The following ZNF565 variants were observed in gnomAD, a reference collection of about 807,000 sequenced individuals.
The protein encoded by ZNF565 is zinc finger protein 565.
Under a neutral mutation model 39.4 loss-of-function variants are expected in ZNF565, and 27 were observed. That is an observed-to-expected ratio of 0.69 (90% CI 0.51 to 0.95). ZNF565 has a LOEUF of 0.95. Among genes scored for constraint, ZNF565 ranks in the 40% least tolerant of loss-of-function variants. The pLI is 0.00. For synonymous variants in ZNF565, 185 were observed against 216.6 expected, an observed-to-expected ratio of 0.85 and a Z score of 1.28; for missense variants, 524 against 621.1, an observed-to-expected ratio of 0.84 and a Z score of 1.66.
intron 1 of ZNF565, among the ~76,000 whole-genome samples, chr19:36,222,678 T>C (rs1393010517): frequency 6.6e-6 from 1 of 152,068 alleles, no homozygotes; most frequent in Non-Finnish European, 1.5e-5. Flanking sequence ...CTAGGAACTG[T>C]CTATTCATAT....
intron 1 of ZNF565, among the ~76,000 whole-genome samples, chr19:36,206,995 C>G (rs1427137572): frequency 6.6e-6 from 1 of 152,066 alleles, no homozygotes; most frequent in African/African-American, 2.4e-5. Context: ...ATGCAGGTAT[C>G]TGGGGAAGTG....
upstream of ZNF565, chr19:36,218,287 A>G (rs1296533647): frequency 1.3e-5 from 2 of 151,896 alleles, no homozygotes; most frequent in African/African-American, 4.8e-5. Flanking sequence ...GTAGCTCCAG[A>G]AGTTAATACA....
At chr19:36,197,330 G>A (rs755315631) in intron 2 of ZNF565, among the ~76,000 whole-genome samples, 2 of 150,786 alleles carry the variant, frequency 1.3e-5, no homozygotes, top group Admixed American at 6.6e-5. Context: ...AAATTAGCTG[G>A]GCATGATGGT....
chr19:36,198,577 A>G (rs1003403201), intron 2 of ZNF565, among the ~76,000 whole-genome samples: 30 of 152,016 alleles, frequency 2.0e-4, no homozygotes, highest in South Asian at 6.2e-4. Flanking sequence ...CAACAGGGTG[A>G]CTATAGTCAA....
intron 1 of ZNF565, among the ~76,000 whole-genome samples, chr19:36,206,322 T>C (rs570403255): frequency 6.6e-6 from 1 of 151,982 alleles, no homozygotes; most frequent in South Asian, 2.1e-4. Flanking sequence ...ATAGATGGGA[T>C]TGAGGGCTGG....
At chr19:36,232,297 TCTACTTATGTAG>T (rs1022332746) in intron 1 of ZNF565, among the ~76,000 whole-genome samples, 15 of 152,184 alleles carry the variant, frequency 9.9e-5, no homozygotes, top group Admixed American at 1.3e-4. Context: ...TATGAAATAT[TCTACTTATGTAG>T]GTACTACTTA....
At chr19:36,229,277 GC>G (rs752270324) in intron 1 of ZNF565, among the ~76,000 whole-genome samples, 1 of 152,074 alleles carries the variant, frequency 6.6e-6, no homozygotes, top group Non-Finnish European at 1.5e-5. Flanking sequence ...ACTCATCTCT[GC>G]CATCGTAGAT....
Position 36,245,364 on chromosome 19 carries a change from C to G in ZNF565, c.55+112G>C, listed in dbSNP as rs1187293757. The G allele has an allele frequency of 1.5e-6, 1 of 682,860 alleles. No individual in the cohort carries two copies. The highest frequency in any genetic ancestry group is 2.7e-6 in the Non-Finnish European group (1 of 375,096). 42.3% of individuals were successfully genotyped at this position (682,860 alleles called of 1,614,324 possible). On this transcript the variant is annotated intron_variant, in intron 1 of 4. Coordinates refer to the ZNF565 transcript ENST00000355114. This position sits in a 1 kb window ranked among gnomAD's most constrained non-coding sequence, Gnocchi z 4.4. The stretch of plus-strand genomic sequence containing the variant: ...CCGGACATTCTAGGGTCTGATCTGG[C>G]GGGCTCGAAGGGAGGACAGTCACTG...
At chr19:36,236,413 T>A in intron 1 of ZNF565, 2 of 1,563,218 alleles carry the variant, frequency 1.3e-6, no homozygotes, top group Non-Finnish European at 1.7e-6. Context: ...GAGAGAAACC[T>A]TGTGAATGTG....
intron 3 of ZNF565, 87 bp from the exon 4 acceptor site, chr19:36,194,415 A>G (rs1277854014): frequency 4.0e-5 from 40 of 999,432 alleles, no homozygotes; most frequent in Non-Finnish European, 5.3e-5. Context: ...AGACGCAATT[A>G]CAAGGTAGGT....
chr19:36,191,467 G>C (rs1313017619), intron 4 of ZNF565, among the ~76,000 whole-genome samples: 1 of 151,800 alleles, frequency 6.6e-6, no homozygotes, highest in East Asian at 1.9e-4. Flanking sequence ...CTGATTTCAG[G>C]GCTGAGGCAG....
chr19:36,183,648 T>C lies in ZNF565; in HGVS notation c.318A>G (p.Lys106=). 1 of 1,614,166 alleles carries C rather than the reference T, an allele frequency of 6.2e-7. No individual in the cohort carries two copies. Among genetic ancestry groups the C allele is most frequent in the Non-Finnish European group, 8.5e-7 (1 of 1,180,034 alleles). The change falls in exon 5 of 5, where the codon AAA becomes AAG. Residue 106 remains lysine (K), a synonymous_variant. Coordinates refer to ENST00000304116, the MANE Select transcript of ZNF565 (RefSeq NM_152477.5). ...AATCGGAGCCCTCCAGGTCACTGCA[T>C]TTAAGGCTTTCCATTATCTCCCAGT... is the stretch of plus-strand genomic sequence containing the variant. ...AFNWEIMESL[K]CSDLEGSDFR...
At chr19:36,189,784 C>T (rs1172508798) in intron 4 of ZNF565, among the ~76,000 whole-genome samples, 2 of 152,078 alleles carry the variant, frequency 1.3e-5, no homozygotes, top group Non-Finnish European at 2.9e-5. Context: ...TATTTTAATA[C>T]GGAATTACAG....
chr19:36,217,223 G>C (rs1421347136), upstream of ZNF565, among the ~76,000 whole-genome samples: 1 of 151,090 alleles, frequency 6.6e-6, no homozygotes, highest in African/African-American at 2.4e-5. Context: ...ACCACACCCG[G>C]CTACTTTTTT....
intron 2 of ZNF565, 145 bp downstream of exon 2, chr19:36,201,832 C>A (rs542311132): frequency 1.1e-6 from 1 of 892,286 alleles, no homozygotes; most frequent in Admixed American, 2.1e-5. Context: ...AGAGGGCCAC[C>A]GAGGGACTTG....
At chr19:36,217,714 G>A (rs931734551), upstream of ZNF565, among the ~76,000 whole-genome samples, 2 of 151,628 alleles carry the variant, frequency 1.3e-5, no homozygotes, top group African/African-American at 2.4e-5. Context: ...GAGAAACCCC[G>A]TCTCTACTAA....
At position 36,220,951 on chromosome 19, in the gene ZNF565, C is replaced by G. The variant is rs145366802; in HGVS notation, c.56-18901G>C. 7.9e-5 allele frequency among the ~76,000 whole-genome samples: 12 copies of G among 151,504 alleles called. No homozygotes were observed. The East Asian group carries it at 2.3e-3, about 29-fold the overall frequency. ...ACTTGCAACATCTGCCTCCCCAGTT[C>G]CAGCGATTCTCCTGCCTCAGCCTCC... On this transcript the variant is annotated intron_variant, in intron 1 of 4. Transcript: ENST00000355114.
intron 2 of ZNF565, among the ~76,000 whole-genome samples, chr19:36,197,749 T>G (rs1486110991): frequency 6.6e-6 from 1 of 152,058 alleles, no homozygotes; most frequent in Non-Finnish European, 1.5e-5. Context: ...GGAATGTAAA[T>G]CAGTAAAATC....
intron 4 of ZNF565, among the ~76,000 whole-genome samples, chr19:36,185,183 G>A (rs1252484727): frequency 1.3e-5 from 2 of 151,818 alleles, no homozygotes; most frequent in Middle Eastern, 3.4e-3. Flanking sequence ...GGGAGACTGA[G>A]GTGGGTGGAT....
Sources: allele counts gnomAD v4.1 joint callset (sites outside exome capture counted in the v4.1 genomes callset), GRCh38; gene constraint gnomAD v4.1.1; non-coding constraint Gnocchi (gnomAD v3.1); transcripts MANE v1.5; gene names NCBI Gene and HGNC (gene_info 2026-07-23, HGNC 2026-07-21).